Variants in GORASP2 observed in about 807,000 individuals in gnomAD.
GORASP2 encodes the protein golgi reassembly stacking protein 2.
Under a neutral mutation model 45.7 loss-of-function variants are expected in GORASP2, and 22 were observed. The observed-to-expected ratio is 0.48, with a 90% confidence interval of 0.34 to 0.69. GORASP2 has a LOEUF of 0.69. Among genes scored for constraint, GORASP2 ranks in the 30% least tolerant of loss-of-function variants. The pLI is 0.01. For synonymous variants in GORASP2, 221 were observed against 215.6 expected, an observed-to-expected ratio of 1.02 and a Z score of -0.22; for missense variants, 491 against 562.7, an observed-to-expected ratio of 0.87 and a Z score of 1.29.
chr2:170,957,387 A>C (rs977954571), intron 7 of GORASP2, among the ~76,000 whole-genome samples: 1 of 151,732 alleles, frequency 6.6e-6, no homozygotes, highest in African/African-American at 2.4e-5. Flanking sequence ...AGTGATTCTC[A>C]TGCCTCAGCC....
chr2:170,936,111 C>A (rs1469715676), intron 1 of GORASP2, among the ~76,000 whole-genome samples: 1 of 151,412 alleles, frequency 6.6e-6, no homozygotes, highest in Non-Finnish European at 1.5e-5. Flanking sequence ...TCAGTGTGTT[C>A]ATTTTGCTTA....
intron 9 of GORASP2, among the ~76,000 whole-genome samples, chr2:170,964,933 A>G (rs1168652817): frequency 9.5e-6 from 1 of 104,902 alleles, no homozygotes; most frequent in Admixed American, 1.5e-4. Context: ...ACAGAGTCTC[A>G]CTTTGTCATT....
At chr2:170,948,888 A>C (rs954995789) in intron 2 of GORASP2, 3 of 153,430 alleles carry the variant, frequency 2.0e-5, no homozygotes, top group African/African-American at 7.2e-5. Flanking sequence ...AATTAAAACC[A>C]CTTTTTATAC....
intron 1 of GORASP2, among the ~76,000 whole-genome samples, chr2:170,946,095 T>G (rs1005830903): frequency 2.0e-5 from 3 of 152,138 alleles, no homozygotes; most frequent in Non-Finnish European, 4.4e-5. Flanking sequence ...CATTGCAGCC[T>G]CAATCTCCTG....
chr2:170,963,376 A>G (rs1029058705), intron 9 of GORASP2, among the ~76,000 whole-genome samples: 7 of 146,174 alleles, frequency 4.8e-5, no homozygotes, highest in Non-Finnish European at 1.1e-4. Flanking sequence ...CTTCATCTCA[A>G]AAAAAAAAAA....
intron 1 of GORASP2, among the ~76,000 whole-genome samples, chr2:170,939,514 C>T (rs1371953316): frequency 6.6e-6 from 1 of 152,068 alleles, no homozygotes; most frequent in East Asian, 1.9e-4. Context: ...AACTGAGGTC[C>T]AAAAATATCA....
At chr2:170,956,124 A>T (rs1704421842) in intron 6 of GORASP2, among the ~76,000 whole-genome samples, 1 of 152,332 alleles carries the variant, frequency 6.6e-6, no homozygotes, top group East Asian at 1.9e-4. Context: ...AATGATTTCC[A>T]GGTGGTGAGG....
chr2:170,929,694 C>G, intron 1 of GORASP2: 1 of 627,094 alleles, frequency 1.6e-6, no homozygotes, highest in East Asian at 3.5e-5. Flanking sequence ...CAACCTTGCT[C>G]TTTTTCCGCA....
chr2:170,963,733 C>T (rs1704624967), intron 9 of GORASP2, among the ~76,000 whole-genome samples: 1 of 152,132 alleles, frequency 6.6e-6, no homozygotes, highest in Non-Finnish European at 1.5e-5. Context: ...ATCTCTACCT[C>T]CCAGGATCAA....
chr2:170,936,951 G>A (rs1575468927), intron 1 of GORASP2, among the ~76,000 whole-genome samples: 1 of 152,290 alleles, frequency 6.6e-6, no homozygotes. Context: ...GCTCACGCCT[G>A]TAATCCCAGC....
chr2:170,963,564 A>G (rs901700427), intron 9 of GORASP2, among the ~76,000 whole-genome samples: 1 of 144,920 alleles, frequency 6.9e-6, no homozygotes, highest in Non-Finnish European at 1.5e-5. Flanking sequence ...ATGAAAGTGT[A>G]CAGGCTGCCT....
At chr2:170,963,049 CA>C (rs974774990) in intron 9 of GORASP2, 103 bp downstream of exon 9, 25 of 736,060 alleles carry the variant, frequency 3.4e-5, no homozygotes, top group Non-Finnish European at 5.9e-5. Flanking sequence ...ATCAGTTTAA[CA>C]GATTTCAGCT....
At chr2:170,934,971 C>T (rs1376114545) in intron 1 of GORASP2, among the ~76,000 whole-genome samples, 1 of 152,192 alleles carries the variant, frequency 6.6e-6, no homozygotes, top group African/African-American at 2.4e-5. Flanking sequence ...CTGCTGACCT[C>T]AGCTGATCCA....
At chr2:170,940,290 G>A (rs1704044315) in intron 1 of GORASP2, among the ~76,000 whole-genome samples, 3 of 152,130 alleles carry the variant, frequency 2.0e-5, no homozygotes, top group African/African-American at 7.2e-5. Context: ...TTACTTTAAG[G>A]TAGAAGGTCT....
intron 1 of GORASP2, among the ~76,000 whole-genome samples, chr2:170,942,956 G>A (rs1477759198): frequency 1.3e-5 from 2 of 152,182 alleles, no homozygotes; most frequent in Non-Finnish European, 2.9e-5. Context: ...ACGCTTTACA[G>A]TAGTTCAAGA....
chr2:170,963,714 C>T (rs1419576552), intron 9 of GORASP2, among the ~76,000 whole-genome samples: 2 of 152,100 alleles, frequency 1.3e-5, no homozygotes, highest in African/African-American at 4.8e-5. Context: ...CCGATCTTGG[C>T]TCACTGCAAT....
chr2:170,964,003 A>C (rs1704632273), intron 9 of GORASP2, among the ~76,000 whole-genome samples: 1 of 152,202 alleles, frequency 6.6e-6, no homozygotes, highest in Non-Finnish European at 1.5e-5. Context: ...AATATTCTCC[A>C]TTATTTACAA....
intron 2 of GORASP2, 118 bp from the exon 3 acceptor site, chr2:170,949,421 C>A: frequency 1.5e-6 from 1 of 665,170 alleles, no homozygotes; most frequent in Admixed American, 2.8e-5. Context: ...GTTGGTGAAA[C>A]CTTTGTTGAA....
intron 1 of GORASP2, among the ~76,000 whole-genome samples, chr2:170,943,423 G>C (rs1049457857): frequency 6.6e-5 from 10 of 152,118 alleles, no homozygotes; most frequent in African/African-American, 2.2e-4. Context: ...AAGATTTCTT[G>C]GCCTTCTATC....
Sources: gnomAD v4.1 joint callset for allele counts (sites outside exome capture counted in the v4.1 genomes callset) on GRCh38, gnomAD v4.1.1 for gene constraint, MANE v1.5 for transcripts, NCBI Gene and HGNC (gene_info 2026-07-23, HGNC 2026-07-21) for gene names.